Variants in CLEC4A observed in about 807,000 individuals in gnomAD.
CLEC4A encodes C-type lectin domain family 4 member A, also known as C-type (calcium dependent, carbohydrate-recognition domain) lectin, superfamily member 6.
Under a neutral mutation model 32.7 loss-of-function variants are expected in CLEC4A, and 27 were observed. That is an observed-to-expected ratio of 0.83 (90% confidence interval 0.61 to 1.14). CLEC4A has a LOEUF of 1.14. CLEC4A is among the 50% of genes most tolerant of loss of function. The pLI is 0.00. For synonymous variants in CLEC4A, 89 were observed against 93.7 expected (o/e 0.95, Z 0.29); for missense variants, 253 against 274.6 (o/e 0.92, Z 0.55).
At chr12:8,118,199 T>C in the CLEC4A span, among the ~76,000 whole-genome samples, 1 of 152,196 alleles carries the variant, frequency 6.6e-6, no homozygotes, top group Non-Finnish European at 1.5e-5. Context: ...ATTTATGCAT[T>C]CATCTGGGAG....
intron 3 of CLEC4A, among the ~76,000 whole-genome samples, chr12:8,131,978 C>T (rs1214244054): frequency 6.6e-6 from 1 of 152,136 alleles, no homozygotes; most frequent in African/African-American, 2.4e-5. Context: ...GCTGTTCTTC[C>T]TGATGCTCTC....
In CLEC4A at chr12:8,138,192, A is replaced by C; in HGVS notation, c.619A>C (p.Asn207His). The C allele has an allele frequency of 6.2e-7, 1 of 1,614,152 alleles. No homozygotes were observed. The highest frequency in any genetic ancestry group is 1.1e-5 in the South Asian group (1 of 91,084). The change falls in exon 6 of 6, where the codon AAT (asparagine) becomes CAT (histidine). Residue 207 changes from asparagine (N) to histidine (H), a missense_variant. By Grantham distance (68) the Asn-to-His change is moderately conservative. Coordinates refer to ENST00000229332, the MANE Select transcript of CLEC4A (RefSeq NM_016184.4). ...SDPNERCVVL[N>H]FRKSPKRWGW... ...TCCCAATGAGCGCTGCGTTGTGCTAAATTTTCGTAAATCACCCAAAAGATG... is the reference window on the plus strand; with the variant it reads ...TCCCAATGAGCGCTGCGTTGTGCTACATTTTCGTAAATCACCCAAAAGATG...
At chr12:8,134,641 C>G (rs759067939) in intron 3 of CLEC4A, 1 of 1,606,752 alleles carries the variant, frequency 6.2e-7, no homozygotes, top group Non-Finnish European at 8.5e-7. Context: ...GCCATCCCCC[C>G]GCAGAACTCA....
At chr12:8,126,094 C>G (rs1947896464) in intron 2 of CLEC4A, among the ~76,000 whole-genome samples, 1 of 152,218 alleles carries the variant, frequency 6.6e-6, no homozygotes, top group South Asian at 2.1e-4. Flanking sequence ...AGAAATATTT[C>G]AGGAAGAGTT....
intron 3 of CLEC4A, among the ~76,000 whole-genome samples, chr12:8,129,846 G>GT (rs1280845766): frequency 6.6e-6 from 1 of 152,084 alleles, no homozygotes; most frequent in Non-Finnish European, 1.5e-5. Flanking sequence ...TTTTGTTGTT[G>GT]TTTTTTTGAG....
At chr12:8,131,902 T>C (rs1406526532) in intron 3 of CLEC4A, among the ~76,000 whole-genome samples, 1 of 151,914 alleles carries the variant, frequency 6.6e-6, no homozygotes, top group Non-Finnish European at 1.5e-5. Context: ...CATGGGTAAA[T>C]GTGTGCTATG....
At chr12:8,116,913 A>G in the CLEC4A span, among the ~76,000 whole-genome samples, 1 of 152,146 alleles carries the variant, frequency 6.6e-6, no homozygotes, top group Non-Finnish European at 1.5e-5. Context: ...AGTTCTTGAG[A>G]TCACATTTTA....
At chr12:8,129,398 T>TTCTA in intron 3 of CLEC4A, 36 bp downstream of exon 3, 3 of 1,317,778 alleles carry the variant, frequency 2.3e-6, no homozygotes, top group Non-Finnish European at 2.2e-6. Flanking sequence ...AGTTGCTGAA[T>TTCTA]GTACTATGTA....
chr12:8,135,021 TCAGATAATTCTAACAA>T (rs1565406466), intron 3 of CLEC4A, among the ~76,000 whole-genome samples: 46 of 87,884 alleles, frequency 5.2e-4, no homozygotes, highest in Non-Finnish European at 5.7e-4. Flanking sequence ...TAAATCTTTG[TCAGATAATTCTAACAA>T]TTTTATTATC....
intron 1 of CLEC4A, among the ~76,000 whole-genome samples, chr12:8,124,806 T>C (rs940145157): frequency 2.0e-5 from 3 of 152,176 alleles, no homozygotes; most frequent in Non-Finnish European, 2.9e-5. Flanking sequence ...TAACCAGAGG[T>C]ACACAGATAT....
At chr12:8,131,813 G>T (rs949737839) in intron 3 of CLEC4A, among the ~76,000 whole-genome samples, 1 of 82,268 alleles carries the variant, frequency 1.2e-5, no homozygotes. Flanking sequence ...TACTCATGGA[G>T]ATATATATAT....
chr12:8,126,235 G>A (rs1312185856), intron 2 of CLEC4A, among the ~76,000 whole-genome samples: 1 of 151,950 alleles, frequency 6.6e-6, no homozygotes, highest in Non-Finnish European at 1.5e-5. Flanking sequence ...TATTCCCCCT[G>A]GTTCTGTCAC....
At chr12:8,115,016 G>T in the CLEC4A span, among the ~76,000 whole-genome samples, 1 of 152,170 alleles carries the variant, frequency 6.6e-6, no homozygotes, top group African/African-American at 2.4e-5. Flanking sequence ...CTCCAGGTTG[G>T]TTTGCTTTAG....
the CLEC4A span, among the ~76,000 whole-genome samples, chr12:8,116,710 A>G: frequency 1.4e-4 from 22 of 152,324 alleles, 1 homozygote; most frequent in East Asian, 1.5e-3. Context: ...GTTTTCCATC[A>G]TAATGGACCT....
At position 8,125,657 on chromosome 12, in the gene CLEC4A, C is replaced by G; in HGVS notation, c.179C>G (p.Ser60Ter). 6.2e-7 allele frequency: 1 copy of G among 1,607,146 alleles called. No individual in the cohort carries two copies. Among genetic ancestry groups the G allele is most frequent in the Admixed American group, 1.7e-5 (1 of 59,980 alleles). ...ATATTTTTCCTGCTATTGGCAATCT[C>G]ATTCTTTATTGCTTTTGTCAGTAAG... is the stretch of plus-strand genomic sequence containing the variant. ...LLIFFLLLAI[S>*]FFIAFVIFFQ... Residue 60 changes from serine (S) to a stop codon, truncating the protein, a stop_gained, in exon 2 of 6, where the codon TCA becomes TGA. Coordinates refer to ENST00000229332, the MANE Select transcript of CLEC4A (RefSeq NM_016184.4). LOFTEE classifies it high-confidence loss of function.
chr12:8,127,106 G>C (rs1367482051), intron 2 of CLEC4A, among the ~76,000 whole-genome samples: 1 of 152,200 alleles, frequency 6.6e-6, no homozygotes, highest in Non-Finnish European at 1.5e-5. Context: ...ACTGGTGTCA[G>C]TTGGGAGATT....
chr12:8,135,066 T>A (rs1948088945), intron 3 of CLEC4A, among the ~76,000 whole-genome samples: 1 of 115,968 alleles, frequency 8.6e-6, no homozygotes, highest in African/African-American at 3.1e-5. Flanking sequence ...TTTTTTTTTT[T>A]TTTGAGACAG....
At chr12:8,114,906 G>A in the CLEC4A span, among the ~76,000 whole-genome samples, 12 of 152,218 alleles carry the variant, frequency 7.9e-5, no homozygotes, top group East Asian at 2.3e-3. Context: ...GATTCACTGA[G>A]GACCCAATAG....
At chr12:8,103,703 T>TGCC in the CLEC4A span, among the ~76,000 whole-genome samples, 1 of 152,144 alleles carries the variant, frequency 6.6e-6, no homozygotes, top group Non-Finnish European at 1.5e-5. Flanking sequence ...GTTTTTCATA[T>TGCC]GCCACAAGTA....
Sources: gnomAD v4.1 joint callset for allele counts (sites outside exome capture counted in the v4.1 genomes callset) on GRCh38, gnomAD v4.1.1 for gene constraint, MANE v1.5 for transcripts, NCBI Gene and HGNC (gene_info 2026-07-23, HGNC 2026-07-21) for gene names.